BTBD9: variants seen among roughly 807,000 people sequenced by gnomAD.
BTBD9 encodes BTB domain containing 9, also known as BTB/POZ domain-containing protein 9.
Under a neutral mutation model 64.3 loss-of-function variants are expected in BTBD9, and 49 were observed. That is an observed-to-expected ratio of 0.76 (90% confidence interval 0.61 to 0.97). The LOEUF (loss-of-function observed/expected upper bound fraction) is 0.97. Ranked by LOEUF, BTBD9 falls within the 50% of genes least tolerant of loss-of-function variation. The probability of loss-of-function intolerance (pLI) is 0.00; values close to 1 mark genes in which losing one functional copy is unlikely to be tolerated. For synonymous variants in BTBD9, 260 were observed against 274.7 expected, an observed-to-expected ratio of 0.95 and a Z score of 0.53; for missense variants, 598 against 762.1, an observed-to-expected ratio of 0.78 and a Z score of 2.53.
intron 8 of BTBD9, among the ~76,000 whole-genome samples, chr6:38,270,523 G>A (rs1170690175): frequency 1.3e-5 from 2 of 152,152 alleles, no homozygotes; most frequent in African/African-American, 4.8e-5. Flanking sequence ...CTGTGGTGGG[G>A]CAGAAGAGGA....
intron 1 of BTBD9, among the ~76,000 whole-genome samples, chr6:38,628,741 C>G (rs1397044664): frequency 6.6e-6 from 1 of 152,294 alleles, no homozygotes; most frequent in African/African-American, 2.4e-5. Flanking sequence ...TACACACACA[C>G]ACGCACATGC....
intron 7 of BTBD9, among the ~76,000 whole-genome samples, chr6:38,309,028 C>T (rs1253158934): frequency 6.6e-6 from 1 of 151,856 alleles, no homozygotes; most frequent in Non-Finnish European, 1.5e-5. Context: ...GAATATTTCT[C>T]ATTCACATTG....
chr6:38,395,261 C>A (rs1381567690), intron 6 of BTBD9, among the ~76,000 whole-genome samples: 3 of 151,884 alleles, frequency 2.0e-5, no homozygotes, highest in Admixed American at 6.6e-5. Context: ...TGGGACCCTG[C>A]CTCTACAAAA....
intron 7 of BTBD9, among the ~76,000 whole-genome samples, chr6:38,324,797 T>C (rs988322567): frequency 9.9e-5 from 15 of 152,234 alleles, no homozygotes; most frequent in Non-Finnish European, 2.1e-4. Context: ...ATCTCACTTT[T>C]GGATAAAGGT....
intron 6 of BTBD9, among the ~76,000 whole-genome samples, chr6:38,364,361 G>C (rs1765104452): frequency 6.6e-6 from 1 of 152,154 alleles, no homozygotes; most frequent in South Asian, 2.1e-4. Context: ...CTTTGGTTCA[G>C]TGATGATGAT....
chr6:38,371,010 C>T (rs929959194), intron 6 of BTBD9, among the ~76,000 whole-genome samples: 1 of 152,288 alleles, frequency 6.6e-6, no homozygotes. Flanking sequence ...GTGTTTTTCT[C>T]ATCTGAGAAT....
At chr6:38,292,503 T>C (rs1176128841) in intron 7 of BTBD9, among the ~76,000 whole-genome samples, 1 of 152,198 alleles carries the variant, frequency 6.6e-6, no homozygotes, top group Admixed American at 6.5e-5. Flanking sequence ...GAATTTGTTA[T>C]TGGTCTATTC....
intron 9 of BTBD9, among the ~76,000 whole-genome samples, chr6:38,235,983 T>A (rs1322287942): frequency 1.3e-5 from 2 of 152,190 alleles, no homozygotes; most frequent in African/African-American, 4.8e-5. Context: ...AAGGGTAGGC[T>A]TTATCAGCTG....
rs869155666 is a variant in BTBD9, at chr6:38,171,846, C to CAAA, written c.*3136_*3138dup. The CAAA allele has an allele frequency of 1.5e-3, 117 of 79,068 alleles. No individual in the cohort carries two copies. The highest frequency in any genetic ancestry group is 1.8e-3 in the Non-Finnish European group (84 of 45,610). 4.9% of individuals were successfully genotyped at this position (79,068 alleles called of 1,614,324 possible). On this transcript the variant is annotated 3_prime_UTR_variant, in exon 11 of 11. Transcript: ENST00000481247. ...TCCAATGAAGTTGCCTTTCTACTCT[C>CAAA]AAAAAAAAAAAAAAAAAAAAAAAAA...
chr6:38,231,241 T>C (rs531495693), intron 9 of BTBD9, among the ~76,000 whole-genome samples: 7 of 152,350 alleles, frequency 4.6e-5, no homozygotes, highest in South Asian at 2.1e-4. Flanking sequence ...AAGAATCAAA[T>C]TGAATTACCA....
Position 38,270,667 on chromosome 6 carries a change from G to A in BTBD9, c.1455-14151C>T, listed in dbSNP as rs116299941. Among the ~76,000 whole-genome samples, 936 of 152,312 alleles carry A rather than the reference G, an allele frequency of 6.1e-3. 7 individuals carry two copies. Among genetic ancestry groups the A allele is most frequent in the African/African-American group, 0.021 (870 of 41,564 alleles). ...ATATGAATAGCCTGGGGGAAATGAG[G>A]AGCTTGGAGGCTCCTAGCAGCCAAA... On this transcript the variant is annotated intron_variant, in intron 8 of 10. Transcript: ENST00000481247.
chr6:38,291,168 G>A (rs1446750607), intron 7 of BTBD9, among the ~76,000 whole-genome samples: 2 of 152,254 alleles, frequency 1.3e-5, no homozygotes, highest in Non-Finnish European at 2.9e-5. Context: ...TCACCAAAGT[G>A]GTTGTAAAAC....
At chr6:38,612,946 C>G (rs1000199193) in intron 1 of BTBD9, 3 of 152,166 alleles carry the variant, frequency 2.0e-5, no homozygotes, top group Non-Finnish European at 4.4e-5. Context: ...TCTCCTGTCC[C>G]TTTGGAGCTG....
chr6:38,428,098 A>G (rs13194990), intron 6 of BTBD9, among the ~76,000 whole-genome samples: 15,053 of 151,858 alleles, frequency 0.099, 892 homozygotes, highest in African/African-American at 0.12. Flanking sequence ...AAGTTCTAGG[A>G]AGGGAGCTTT....
intron 9 of BTBD9, among the ~76,000 whole-genome samples, chr6:38,203,396 G>A (rs1381082179): frequency 6.6e-6 from 1 of 152,060 alleles, no homozygotes; most frequent in Non-Finnish European, 1.5e-5. Flanking sequence ...TTTCACTTCT[G>A]GCTATCTATC....
At chr6:38,585,594 G>A (rs990506126) in intron 4 of BTBD9, among the ~76,000 whole-genome samples, 2 of 152,162 alleles carry the variant, frequency 1.3e-5, no homozygotes, top group Non-Finnish European at 2.9e-5. Flanking sequence ...ACAGGTGTGA[G>A]CCACTGCACC....
At chr6:38,490,407 G>A (rs1287019399) in intron 6 of BTBD9, among the ~76,000 whole-genome samples, 5 of 152,140 alleles carry the variant, frequency 3.3e-5, no homozygotes, top group African/African-American at 9.6e-5. Context: ...TGCAACCTCC[G>A]CCTCCCAGGT....
chr6:38,567,935 G>C (rs1189896132), intron 6 of BTBD9, among the ~76,000 whole-genome samples: 2 of 152,106 alleles, frequency 1.3e-5, no homozygotes, highest in African/African-American at 4.8e-5. Context: ...CAGAAAAACA[G>C]ATTATTATCC....
chr6:38,415,558 G>A (rs1362766915), intron 6 of BTBD9, among the ~76,000 whole-genome samples: 3 of 152,096 alleles, frequency 2.0e-5, no homozygotes, highest in East Asian at 1.9e-4. Flanking sequence ...TTTAAGCCAC[G>A]AAGTCTGTGG....
Sources: allele counts gnomAD v4.1 joint callset (sites outside exome capture counted in the v4.1 genomes callset), GRCh38; gene constraint gnomAD v4.1.1; transcripts MANE v1.5; gene names NCBI Gene and HGNC (gene_info 2026-07-23, HGNC 2026-07-21).